The following PRKN variants were observed in gnomAD, a reference collection of about 807,000 sequenced individuals.
The protein encoded by PRKN is parkin RBR E3 ubiquitin protein ligase.
In PRKN, 56 loss-of-function variants were observed where a neutral mutation model predicts 59.5. The observed-to-expected ratio is 0.94, with a 90% CI of 0.76 to 1.18. The LOEUF (loss-of-function observed/expected upper bound fraction) is 1.18, where lower values mean the gene tolerates loss of function less well. Among genes scored for constraint, PRKN ranks in the 50% most tolerant of loss-of-function variants. PRKN has a pLI of 0.00. For missense variants in PRKN, 657 were observed against 596.4 expected, an observed-to-expected ratio of 1.10 and a Z score of -1.06; for synonymous variants, 250 against 222.1, an observed-to-expected ratio of 1.13 and a Z score of -1.12.
chr6:161,738,963 A>G (rs544653650), intron 7 of PRKN, among the ~76,000 whole-genome samples: 1 of 152,352 alleles, frequency 6.6e-6, no homozygotes, highest in African/African-American at 2.4e-5. Flanking sequence ...ACAGGTATAC[A>G]GTTTTTGTGA....
At chr6:162,418,941 AC>A (rs1368106732) in intron 2 of PRKN, among the ~76,000 whole-genome samples, 5 of 151,162 alleles carry the variant, frequency 3.3e-5, no homozygotes, top group African/African-American at 4.9e-5. Flanking sequence ...ACCCAGTCCC[AC>A]CCCCCAACCC....
chr6:161,977,533 GTTTTTTTGGTTTTTTT>G (rs1324600040), intron 5 of PRKN, among the ~76,000 whole-genome samples: 1 of 80,676 alleles, frequency 1.2e-5, no homozygotes, highest in Non-Finnish European at 2.5e-5. Context: ...TCTACTTTCT[GTTTTTTTGGTTTTTTT>G]TTTTTTTTTT....
intron 1 of PRKN, among the ~76,000 whole-genome samples, chr6:162,617,583 TCTAG>T (rs5881482): frequency 0.61 from 92,444 of 151,282 alleles, 28,935 homozygotes; most frequent in African/African-American, 0.75. Context: ...ATTCCTTCTG[TCTAG>T]CTAGCTAGAA....
intron 6 of PRKN, among the ~76,000 whole-genome samples, chr6:161,868,485 G>A (rs575322469): frequency 1.1e-3 from 160 of 152,254 alleles, no homozygotes; most frequent in Non-Finnish European, 1.8e-3. Flanking sequence ...GGAGGCTGAG[G>A]CAGGAGAATC....
intron 6 of PRKN, among the ~76,000 whole-genome samples, chr6:161,807,076 A>C (rs1314999215): frequency 6.6e-6 from 1 of 152,226 alleles, no homozygotes; most frequent in African/African-American, 2.4e-5. Context: ...GGTACTAAAA[A>C]TGATTTCATG....
chr6:162,448,147 G>A (rs770652342), intron 1 of PRKN, among the ~76,000 whole-genome samples: 11 of 152,094 alleles, frequency 7.2e-5, no homozygotes, highest in Admixed American at 1.3e-4. Flanking sequence ...TGGGATGTTC[G>A]GCTCCACCTG....
chr6:162,385,855 G>A (rs927003472), intron 2 of PRKN, among the ~76,000 whole-genome samples: 4 of 151,744 alleles, frequency 2.6e-5, no homozygotes, highest in Admixed American at 2.0e-4. Flanking sequence ...TATTCAGTTC[G>A]GTTTTTTCCC....
chr6:162,685,309 T>TA (rs1262411941), intron 1 of PRKN, among the ~76,000 whole-genome samples: 1 of 152,216 alleles, frequency 6.6e-6, no homozygotes, highest in Non-Finnish European at 1.5e-5. Context: ...TGACTAGAGA[T>TA]ATACTGTGTT....
intron 7 of PRKN, among the ~76,000 whole-genome samples, chr6:161,702,332 C>CGT (rs1194855339): frequency 2.0e-5 from 3 of 152,180 alleles, no homozygotes; most frequent in Non-Finnish European, 2.9e-5. Context: ...GCAGCCCATC[C>CGT]ATACAATGGA....
chr6:161,885,492 G>T (rs985967050), intron 6 of PRKN, among the ~76,000 whole-genome samples: 1 of 151,898 alleles, frequency 6.6e-6, no homozygotes, highest in African/African-American at 2.4e-5. Context: ...GTGAAACCCC[G>T]TCTCTACTAA....
At chr6:161,953,938 A>C (rs893578445) in intron 6 of PRKN, among the ~76,000 whole-genome samples, 32 of 152,272 alleles carry the variant, frequency 2.1e-4, no homozygotes, top group African/African-American at 7.7e-4. Context: ...ACTGTAACTT[A>C]TTGACTATGT....
Position 161,355,803 on chromosome 6 carries a change from T to A in PRKN, c.1285+4285A>T, listed in dbSNP as rs1784725926. Among the ~76,000 whole-genome samples the A allele has an allele frequency of 6.6e-6, 1 of 152,200 alleles. No individual in the cohort carries two copies. The highest frequency in any genetic ancestry group is 2.1e-4 in the South Asian group (1 of 4,830). ...AGGTCCCTGATCTCACCGGCTTATG[T>A]TCTAAAGAGCGACAGATGGGGAACA... On this transcript the variant is annotated intron_variant, in intron 11 of 11. Coordinates refer to ENST00000366898, the MANE Select transcript of PRKN (RefSeq NM_004562.3). This position sits in a 1 kb window ranked among gnomAD's most constrained non-coding sequence, Gnocchi z 6.8.
At chr6:162,461,228 G>A (rs1422955444) in intron 1 of PRKN, among the ~76,000 whole-genome samples, 1 of 152,000 alleles carries the variant, frequency 6.6e-6, no homozygotes, top group Admixed American at 6.6e-5. Flanking sequence ...GAGGCTGGGT[G>A]TGGTGGCTCA....
rs200233585 is a variant in PRKN at position 161,750,114 on chromosome 6, T to TAC, written c.871+35657_871+35658insGT. Among the ~76,000 whole-genome samples, 130 of 137,482 alleles carry TAC rather than the reference T, an allele frequency of 9.5e-4. No homozygotes were observed. The East Asian group carries it at 0.028, about 29-fold the overall frequency. 90.2% of individuals were successfully genotyped at this position (137,482 alleles called of 152,430 possible). On this transcript the variant is annotated intron_variant, in intron 7 of 11. Coordinates refer to ENST00000366898, the MANE Select transcript of PRKN (RefSeq NM_004562.3). ...CACATAGGACATATATATATATATA[T>TAC]ATATACACACACACACACACACACA...
At position 161,498,929 on chromosome 6, in the gene PRKN, G is replaced by A. The variant is rs1232774452; in HGVS notation, c.1083+49925C>T. Among the ~76,000 whole-genome samples, 3 of 151,998 alleles carry A rather than the reference G, an allele frequency of 2.0e-5. No individual in the cohort carries two copies. Among genetic ancestry groups the A allele is most frequent in the African/African-American group, 7.3e-5 (3 of 41,308 alleles). ...CATGTTGAAGAGTGAGATGGGGTGA[G>A]TGTGTGTGTATGGGGATGGGGGAGG... is the stretch of plus-strand genomic sequence containing the variant. On this transcript the variant is annotated intron_variant, in intron 9 of 11. Transcript: ENST00000366898. The surrounding 1 kb of genome is among the most constrained non-coding windows in gnomAD (Gnocchi z 4.2).
intron 9 of PRKN, among the ~76,000 whole-genome samples, chr6:161,438,215 A>ATTTTTTTTTT (rs34955373): frequency 8.9e-6 from 1 of 112,440 alleles, no homozygotes; most frequent in Non-Finnish European, 1.7e-5. Flanking sequence ...AATTCTGTTA[A>ATTTTTTTTTT]TTTTTTTTTT....
At chr6:161,787,572 A>G (rs1176897851) in intron 6 of PRKN, among the ~76,000 whole-genome samples, 1 of 152,254 alleles carries the variant, frequency 6.6e-6, no homozygotes, top group East Asian at 1.9e-4. Context: ...AAACCTTTAT[A>G]GACCTCCCAA....
At chr6:162,115,513 T>TAAA (rs1780631793) in intron 4 of PRKN, among the ~76,000 whole-genome samples, 1 of 149,608 alleles carries the variant, frequency 6.7e-6, no homozygotes, top group Non-Finnish European at 1.5e-5. Context: ...AATAAATACA[T>TAAA]TAAAATAAAT....
chr6:162,251,678 CTTCT>C (rs1379240345), intron 3 of PRKN, among the ~76,000 whole-genome samples: 1 of 152,120 alleles, frequency 6.6e-6, no homozygotes, highest in African/African-American at 2.4e-5. Flanking sequence ...TTTTAATATT[CTTCT>C]TTATGTATGC....
Sources: gnomAD v4.1 joint callset for allele counts (sites outside exome capture counted in the v4.1 genomes callset) on GRCh38, gnomAD v4.1.1 for gene constraint, Gnocchi (gnomAD v3.1) non-coding constraint, MANE v1.5 for transcripts, NCBI Gene and HGNC (gene_info 2026-07-23, HGNC 2026-07-21) for gene names.